Variants in NRG1 observed in about 807,000 individuals in gnomAD.
NRG1 encodes the protein neuregulin 1, also known as pro-neuregulin-1, membrane-bound isoform.
NRG1 carries 18 observed loss-of-function variants against 63.8 expected under a neutral mutation model. The observed-to-expected ratio is 0.28, with a 90% CI of 0.19 to 0.42. NRG1 has a LOEUF of 0.42. Ranked by LOEUF, NRG1 falls within the 10% of genes least tolerant of loss-of-function variation. The pLI, the probability that NRG1 is intolerant of heterozygous loss-of-function variation, is 1.00. For synonymous variants in NRG1, 302 were observed against 301.3 expected (o/e 1.00, Z -0.02); for missense variants, 762 against 814.7 (o/e 0.94, Z 0.79).
At chr8:32,736,594 T>A (rs1326232801) in intron 6 of NRG1, among the ~76,000 whole-genome samples, 1 of 152,212 alleles carries the variant, frequency 6.6e-6, no homozygotes, top group African/African-American at 2.4e-5. Flanking sequence ...CAGCTAGTAT[T>A]GAGGAAAAGC....
chr8:32,753,806 T>C (rs1483328976), intron 7 of NRG1, among the ~76,000 whole-genome samples: 2 of 152,178 alleles, frequency 1.3e-5, no homozygotes, highest in Non-Finnish European at 2.9e-5. Flanking sequence ...GAATTTAATA[T>C]ATTTAAGTTA....
At chr8:32,582,035 C>T (rs896669343) in intron 1 of NRG1, among the ~76,000 whole-genome samples, 3 of 134,350 alleles carry the variant, frequency 2.2e-5, no homozygotes, top group African/African-American at 5.5e-5. Flanking sequence ...GTTGCATTCT[C>T]TGAAGGGAGC....
chr8:32,087,194 G>A (rs1466369668), intron 1 of NRG1, among the ~76,000 whole-genome samples: 1 of 152,112 alleles, frequency 6.6e-6, no homozygotes, highest in Non-Finnish European at 1.5e-5. Context: ...GGGTCTAATG[G>A]GAGGAGATTG....
intron 1 of NRG1, among the ~76,000 whole-genome samples, chr8:31,818,656 TACTC>T (rs1823686119): frequency 6.6e-6 from 1 of 152,126 alleles, no homozygotes; most frequent in South Asian, 2.1e-4. Context: ...CAGGAGGTAA[TACTC>T]GCTCACCTGC....
At chr8:31,675,407 A>T (rs190420617) in intron 1 of NRG1, among the ~76,000 whole-genome samples, 5 of 152,318 alleles carry the variant, frequency 3.3e-5, no homozygotes, top group African/African-American at 1.2e-4. Flanking sequence ...GTCCATAGGC[A>T]AAGATGAAGC....
rs181540968 is a variant in NRG1 at position 32,724,328 on chromosome 8, G to A, written c.503-3621G>A. Among the ~76,000 whole-genome samples the A allele has an allele frequency of 2.1e-3, 319 of 152,172 alleles. 3 individuals carry two copies. The highest frequency in any genetic ancestry group is 7.1e-3 in the Admixed American group (109 of 15,282). ...CACCTCCTTCCTGGAACAACTATTG[G>A]GGGGTATCATCTTTTATATATTGAA... On this transcript the variant is annotated intron_variant, in intron 5 of 11. Coordinates refer to ENST00000356819, the Ensembl canonical transcript of NRG1.
At chr8:32,097,615 T>C (rs898349458) in intron 1 of NRG1, among the ~76,000 whole-genome samples, 3 of 152,064 alleles carry the variant, frequency 2.0e-5, no homozygotes, top group African/African-American at 7.2e-5. Flanking sequence ...TGACATTGGG[T>C]TAGATTAGAG....
At chr8:32,382,180 G>T (rs534228186) in intron 1 of NRG1, among the ~76,000 whole-genome samples, 4 of 152,102 alleles carry the variant, frequency 2.6e-5, no homozygotes, top group African/African-American at 9.7e-5. Context: ...CATGACAATT[G>T]AGATTTAAAG....
At chr8:32,604,302 G>A (rs1353897191) in intron 2 of NRG1, among the ~76,000 whole-genome samples, 3 of 152,180 alleles carry the variant, frequency 2.0e-5, no homozygotes, top group Non-Finnish European at 2.9e-5. Context: ...GGGTCTACAT[G>A]TGGAACTTTG....
chr8:32,598,343 G>A (rs113298317), intron 2 of NRG1, among the ~76,000 whole-genome samples: 1,826 of 148,544 alleles, frequency 0.012, 36 homozygotes, highest in African/African-American at 0.042. Flanking sequence ...AATGAAGTTC[G>A]GTAGATAAGA....
intron 1 of NRG1, among the ~76,000 whole-genome samples, chr8:32,100,188 A>AAAAAC (rs984380750): frequency 2.0e-4 from 31 of 152,114 alleles, no homozygotes; most frequent in East Asian, 1.2e-3. Flanking sequence ...TAAAGTCTTA[A>AAAAAC]AAAACAAAAC....
intron 7 of NRG1, among the ~76,000 whole-genome samples, chr8:32,746,345 A>G (rs978690001): frequency 6.6e-6 from 1 of 152,208 alleles, no homozygotes; most frequent in Non-Finnish European, 1.5e-5. Context: ...AGCGGTACAG[A>G]AAGTCAAGAC....
chr8:31,711,757 C>G (rs986293464), intron 1 of NRG1, among the ~76,000 whole-genome samples: 1 of 152,138 alleles, frequency 6.6e-6, no homozygotes, highest in African/African-American at 2.4e-5. Flanking sequence ...GCTGAGAAGT[C>G]TAAGATCAAG....
chr8:32,128,728 T>A (rs10081436), intron 1 of NRG1, among the ~76,000 whole-genome samples: 16,264 of 151,744 alleles, frequency 0.11, 1,401 homozygotes, highest in East Asian at 0.3. Context: ...ACCTCTTTTT[T>A]AAAAAAAATC....
intron 1 of NRG1, among the ~76,000 whole-genome samples, chr8:32,246,582 G>A (rs960794523): frequency 3.3e-5 from 5 of 152,140 alleles, no homozygotes; most frequent in Non-Finnish European, 5.9e-5. Context: ...AGCTTTCAGG[G>A]AAGCACCACA....
chr8:31,951,074 G>C (rs181538953), intron 1 of NRG1, among the ~76,000 whole-genome samples: 2 of 152,298 alleles, frequency 1.3e-5, no homozygotes, highest in East Asian at 1.9e-4. Flanking sequence ...AGGTTGGAAG[G>C]ACTGTGTGAG....
intron 1 of NRG1, among the ~76,000 whole-genome samples, chr8:31,878,399 A>C (rs573105633): frequency 1.3e-5 from 2 of 152,246 alleles, no homozygotes; most frequent in Non-Finnish European, 2.9e-5. Flanking sequence ...AAGAGGCATT[A>C]AATTATGTAC....
At chr8:31,798,222 C>A (rs994552788) in intron 1 of NRG1, among the ~76,000 whole-genome samples, 1 of 151,966 alleles carries the variant, frequency 6.6e-6, no homozygotes, top group Non-Finnish European at 1.5e-5. Flanking sequence ...TCAATATTCG[C>A]AACACAGAGA....
chr8:32,734,226 A>C lies in NRG1; in HGVS notation c.632+6148A>C, dbSNP rs920678978. 5.9e-5 allele frequency among the ~76,000 whole-genome samples: 9 copies of C among 152,192 alleles called. No individual in the cohort carries two copies. The South Asian group carries it at 1.4e-3, about 24-fold the overall frequency. On this transcript the variant is annotated intron_variant, in intron 6 of 11. Transcript: ENST00000356819. ...ACTAGCTAAGGTTAACATTTTATAA[A>C]ATACTGACATAATGATGCTGATGAT...
Sources: allele counts gnomAD v4.1 joint callset (sites outside exome capture counted in the v4.1 genomes callset), GRCh38; gene constraint gnomAD v4.1.1; transcripts MANE v1.5; gene names NCBI Gene and HGNC (gene_info 2026-07-23, HGNC 2026-07-21).